The following USP12 variants were observed in gnomAD, a reference collection of about 807,000 sequenced individuals.
USP12 encodes the protein ubiquitin carboxyl-terminal hydrolase 12.
USP12 carries 19 observed loss-of-function variants against 45.5 expected under a neutral mutation model. The observed-to-expected ratio is 0.42, with a 90% confidence interval of 0.29 to 0.61. The LOEUF is 0.61. Among genes scored for constraint, USP12 ranks in the 20% least tolerant of loss-of-function variants. The pLI is 0.22. For missense variants in USP12, 242 were observed against 447.7 expected (o/e 0.54, Z 4.15); for synonymous variants, 149 against 148.8 (o/e 1.00, Z -0.01).
At chr13:27,107,008 T>TA (rs1479831680) in intron 2 of USP12, among the ~76,000 whole-genome samples, 1 of 152,146 alleles carries the variant, frequency 6.6e-6, no homozygotes, top group Non-Finnish European at 1.5e-5. Flanking sequence ...CTAATCATTT[T>TA]AAAAAACAAA....
chr13:27,143,286 GGAAAAA>G (rs1877156174), intron 1 of USP12, among the ~76,000 whole-genome samples: 1 of 151,828 alleles, frequency 6.6e-6, no homozygotes, highest in African/African-American at 2.4e-5. Flanking sequence ...ACAATAAAGG[GGAAAAA>G]CTCATTTGCA....
Position 27,068,680 on chromosome 13 carries a change from T to C in USP12, c.*603A>G, listed in dbSNP as rs186072262. The C allele has an allele frequency of 2.6e-5, 4 of 152,322 alleles. No homozygotes were observed. Among genetic ancestry groups the C allele is most frequent in the Non-Finnish European group, 2.9e-5 (2 of 68,020 alleles). 9.4% of individuals were successfully genotyped at this position (152,322 alleles called of 1,614,324 possible). On this transcript the variant is annotated 3_prime_UTR_variant, in exon 9 of 9. Transcript: ENST00000282344. ...GAAACAAAAAGCCACTTTTGACCAATTGCTCCCTACATATACATATACTGT... is the reference window on the plus strand; with the variant it reads ...GAAACAAAAAGCCACTTTTGACCAACTGCTCCCTACATATACATATACTGT...
intron 1 of USP12, among the ~76,000 whole-genome samples, chr13:27,153,874 C>T (rs950404010): frequency 6.6e-6 from 1 of 152,122 alleles, no homozygotes; most frequent in Non-Finnish European, 1.5e-5. Context: ...ATGAGAAAAA[C>T]GAAGTCTCTA....
chr13:27,086,197 A>AAAATATATATATATAT (rs1555233235), intron 6 of USP12, among the ~76,000 whole-genome samples: 1 of 56,934 alleles, frequency 1.8e-5, no homozygotes, highest in African/African-American at 6.9e-5. Context: ...AAAAAAAAAA[A>AAAATATATATATATAT]ATATATATAT....
chr13:27,070,929 T>C (rs1876168070), intron 8 of USP12, 142 bp downstream of exon 8: 1 of 656,876 alleles, frequency 1.5e-6, no homozygotes, highest in Admixed American at 3.4e-5. Context: ...GAGTAAGAAG[T>C]AGGAATTAGA....
intron 2 of USP12, among the ~76,000 whole-genome samples, chr13:27,112,551 G>A (rs1360635661): frequency 6.6e-6 from 1 of 151,982 alleles, no homozygotes; most frequent in Non-Finnish European, 1.5e-5. Context: ...GCCTCCCAAA[G>A]TGCTGGGATT....
chr13:27,171,537 GC>G, intron 1 of USP12, 54 bp downstream of exon 1: 6 of 1,031,552 alleles, frequency 5.8e-6, no homozygotes, highest in Non-Finnish European at 7.2e-6. Flanking sequence ...GTCCAGCGCC[GC>G]CCGCCCGCCC....
At chr13:27,122,591 G>A (rs564386062) in intron 1 of USP12, among the ~76,000 whole-genome samples, 3 of 152,176 alleles carry the variant, frequency 2.0e-5, no homozygotes, top group African/African-American at 7.2e-5. Context: ...AGTGGAAGCT[G>A]CAGTGAGCCG....
chr13:27,103,607 A>AAAAT (rs372985958), intron 3 of USP12, among the ~76,000 whole-genome samples: 8 of 128,520 alleles, frequency 6.2e-5, no homozygotes, highest in African/African-American at 2.4e-4. Flanking sequence ...TCAAAAAAAA[A>AAAAT]AATAATAATA....
At chr13:27,090,838 C>G (rs1254522990) in intron 4 of USP12, among the ~76,000 whole-genome samples, 2 of 152,120 alleles carry the variant, frequency 1.3e-5, no homozygotes, top group African/African-American at 4.8e-5. Context: ...TTTAATACAT[C>G]AAAATTATTA....
intron 1 of USP12, among the ~76,000 whole-genome samples, chr13:27,130,928 G>A (rs957597951): frequency 5.3e-5 from 8 of 152,148 alleles, no homozygotes; most frequent in Admixed American, 6.5e-5. Context: ...TCAGCAAGCC[G>A]TGACGCTTAA....
chr13:27,165,457 C>A (rs1878308454), intron 1 of USP12, among the ~76,000 whole-genome samples: 1 of 152,030 alleles, frequency 6.6e-6, no homozygotes, highest in Admixed American at 6.6e-5. Context: ...ATTAGTAGTG[C>A]CAATGAATAC....
intron 1 of USP12, among the ~76,000 whole-genome samples, chr13:27,140,309 C>T (rs141212406): frequency 1.2e-4 from 19 of 152,230 alleles, no homozygotes; most frequent in African/African-American, 4.3e-4. Context: ...GCATAGTACA[C>T]GTGTAGTTTG....
chr13:27,156,433 C>G (rs1027315507), intron 1 of USP12, among the ~76,000 whole-genome samples: 1 of 152,144 alleles, frequency 6.6e-6, no homozygotes, highest in African/African-American at 2.4e-5. Flanking sequence ...GATATAGTGA[C>G]GAAACGCAAC....
chr13:27,110,283 ATGTCATTATG>A (rs569268049), intron 2 of USP12, among the ~76,000 whole-genome samples: 146 of 152,312 alleles, frequency 9.6e-4, no homozygotes, highest in South Asian at 2.5e-3. Flanking sequence ...TTGTATAATC[ATGTCATTATG>A]TGTCACAATC....
intron 2 of USP12, among the ~76,000 whole-genome samples, chr13:27,109,539 G>A (rs184127389): frequency 1.6e-4 from 25 of 152,174 alleles, no homozygotes; most frequent in African/African-American, 5.8e-4. Flanking sequence ...AAAAAAGGTT[G>A]AAAAGGACTC....
At chr13:27,152,210 C>A (rs1877599394) in intron 1 of USP12, among the ~76,000 whole-genome samples, 1 of 152,102 alleles carries the variant, frequency 6.6e-6, no homozygotes, top group South Asian at 2.1e-4. Flanking sequence ...ATTCATAATA[C>A]CCATAAGGTA....
chr13:27,086,142 C>A (rs1486480927), intron 6 of USP12, among the ~76,000 whole-genome samples: 9 of 137,526 alleles, frequency 6.5e-5, no homozygotes, highest in Non-Finnish European at 1.4e-4. Flanking sequence ...TGGACTCCAG[C>A]CTGGGTGACA....
At chr13:27,117,768 CACAG>C (rs371511871) in intron 1 of USP12, 153 of 518,234 alleles carry the variant, frequency 3.0e-4, no homozygotes, top group African/African-American at 2.5e-3. Context: ...AAGGACCTCG[CACAG>C]ACAATCATAG....
Sources: allele counts gnomAD v4.1 joint callset (sites outside exome capture counted in the v4.1 genomes callset), GRCh38; gene constraint gnomAD v4.1.1; transcripts MANE v1.5; gene names NCBI Gene and HGNC (gene_info 2026-07-23, HGNC 2026-07-21).